The following PCDH15 variants were observed in gnomAD, a reference collection of about 807,000 sequenced individuals.
PCDH15 encodes the protein protocadherin-15.
Under a neutral mutation model 178.5 loss-of-function variants are expected in PCDH15, and 129 were observed. The ratio of observed to expected loss-of-function variants is 0.72; its 90% CI spans 0.63 to 0.84. The LOEUF is 0.84. Ranked by LOEUF, PCDH15 falls within the 40% of genes least tolerant of loss-of-function variation. The probability of loss-of-function intolerance (pLI) is 0.00; values close to 1 mark genes in which losing one functional copy is unlikely to be tolerated. For synonymous variants in PCDH15, 800 were observed against 732.0 expected (o/e 1.09, Z -1.50); for missense variants, 2,230 against 2,099.9 (o/e 1.06, Z -1.21).
chr10:55,527,247 C>T (rs1589111591), intron 2 of PCDH15, among the ~76,000 whole-genome samples: 2 of 152,044 alleles, frequency 1.3e-5, no homozygotes, highest in Non-Finnish European at 2.9e-5. Context: ...CATATTGTCT[C>T]ACAGTTCTGG....
At chr10:55,622,396 A>G (rs1386689782) in intron 2 of PCDH15, among the ~76,000 whole-genome samples, 1 of 151,570 alleles carries the variant, frequency 6.6e-6, no homozygotes, top group Non-Finnish European at 1.5e-5. Context: ...ACACTGAAAA[A>G]GAGGTGGAGA....
chr10:55,380,270 G>A (rs904831829), intron 2 of PCDH15, among the ~76,000 whole-genome samples: 1 of 152,046 alleles, frequency 6.6e-6, no homozygotes, highest in African/African-American at 2.4e-5. Flanking sequence ...AAAGACATAG[G>A]GAAAGAAATA....
chr10:55,573,495 T>C (rs1842444029), intron 2 of PCDH15, among the ~76,000 whole-genome samples: 1 of 152,102 alleles, frequency 6.6e-6, no homozygotes, highest in African/African-American at 2.4e-5. Flanking sequence ...CTACTACATT[T>C]CTTTATTGTA....
chr10:54,555,321 A>G (rs1301924325), intron 2 of PCDH15, among the ~76,000 whole-genome samples: 1 of 152,152 alleles, frequency 6.6e-6, no homozygotes, highest in Non-Finnish European at 1.5e-5. Context: ...GATCTTTAAC[A>G]TCGTTTGCTC....
At chr10:55,244,282 T>C (rs543735974) in intron 1 of PCDH15, among the ~76,000 whole-genome samples, 3 of 152,186 alleles carry the variant, frequency 2.0e-5, no homozygotes, top group African/African-American at 7.2e-5. Flanking sequence ...CATTCTTTAA[T>C]ACTTTTTTTA....
chr10:54,649,403 C>A (rs2094204823), intron 2 of PCDH15, among the ~76,000 whole-genome samples: 1 of 152,054 alleles, frequency 6.6e-6, no homozygotes, highest in Non-Finnish European at 1.5e-5. Flanking sequence ...GGGGAGATAT[C>A]ATCAGAATTG....
At chr10:54,511,273 A>T (rs1589795294) in intron 3 of PCDH15, among the ~76,000 whole-genome samples, 1 of 152,230 alleles carries the variant, frequency 6.6e-6, no homozygotes. Flanking sequence ...AGTAGTTAGT[A>T]GCATACAGGT....
At chr10:54,680,658 T>C (rs2094882898) in intron 1 of PCDH15, among the ~76,000 whole-genome samples, 1 of 152,102 alleles carries the variant, frequency 6.6e-6, no homozygotes, top group African/African-American at 2.4e-5. Flanking sequence ...CATACTGTTC[T>C]TGTGATAGTG....
At chr10:54,877,025 A>G (rs1364446236) in intron 3 of PCDH15, among the ~76,000 whole-genome samples, 1 of 152,178 alleles carries the variant, frequency 6.6e-6, no homozygotes, top group Non-Finnish European at 1.5e-5. Flanking sequence ...TGAAATTACC[A>G]CAGTCACCCC....
intron 2 of PCDH15, among the ~76,000 whole-genome samples, chr10:55,130,145 G>A (rs1838002334): frequency 6.6e-6 from 1 of 152,192 alleles, no homozygotes; most frequent in Non-Finnish European, 1.5e-5. Flanking sequence ...ATTGATTGGA[G>A]TGGATGTAGA....
In PCDH15 at chr10:54,378,816, A is replaced by G; in HGVS notation, c.284T>C (p.Phe95Ser). The G allele has an allele frequency of 6.2e-7, 1 of 1,613,898 alleles. No homozygotes were observed. Among genetic ancestry groups the G allele is most frequent in the Non-Finnish European group, 8.5e-7 (1 of 1,179,864 alleles). ...VLMDPVKQML[F>S]LNSTGRVLDR... ...CAGAACTCTTCCGGTGCTGTTCAGG[A>G]AAAGCATTTGCTTAACAGGATCCAT... Residue 95 changes from phenylalanine to serine, a missense_variant, in exon 4 of 38, where the codon TTC (phenylalanine) becomes TCC (serine). Phe to Ser is a radical substitution (Grantham distance 155). Transcript: ENST00000644397.
At chr10:54,871,165 C>T (rs1052271409) in intron 3 of PCDH15, among the ~76,000 whole-genome samples, 2 of 152,126 alleles carry the variant, frequency 1.3e-5, no homozygotes, top group Non-Finnish European at 2.9e-5. Context: ...ATCTAATGTG[C>T]AGACAAGATT....
At chr10:54,169,149 C>T (rs1443947183) in intron 13 of PCDH15, among the ~76,000 whole-genome samples, 1 of 149,912 alleles carries the variant, frequency 6.7e-6, no homozygotes, top group Non-Finnish European at 1.5e-5. Flanking sequence ...ACCTGGCAGC[C>T]ACTCCCAGAG....
At chr10:53,890,165 T>A (rs1209322311) in intron 26 of PCDH15, among the ~76,000 whole-genome samples, 1 of 152,246 alleles carries the variant, frequency 6.6e-6, no homozygotes, top group Non-Finnish European at 1.5e-5. Flanking sequence ...CAGTGGCTCA[T>A]GCCTGTAATC....
chr10:54,363,267 G>A (rs1487319734), intron 5 of PCDH15, among the ~76,000 whole-genome samples: 1 of 152,100 alleles, frequency 6.6e-6, no homozygotes, highest in Non-Finnish European at 1.5e-5. Flanking sequence ...AAGATAACCA[G>A]CTTCAGATAG....
intron 2 of PCDH15, among the ~76,000 whole-genome samples, chr10:55,352,610 A>T (rs576078003): frequency 2.0e-5 from 3 of 152,178 alleles, no homozygotes; most frequent in Non-Finnish European, 4.4e-5. Context: ...TAGAAAAGTG[A>T]AAAAGCTCGC....
intron 2 of PCDH15, among the ~76,000 whole-genome samples, chr10:54,936,375 C>A (rs1385511810): frequency 2.0e-5 from 3 of 151,822 alleles, no homozygotes; most frequent in African/African-American, 7.3e-5. Context: ...GCATGTTTTC[C>A]CTTCTCTTGG....
intron 8 of PCDH15, among the ~76,000 whole-genome samples, chr10:54,304,220 C>A (rs972255900): frequency 2.6e-5 from 4 of 152,034 alleles, no homozygotes; most frequent in African/African-American, 9.7e-5. Context: ...TTAACACTGG[C>A]ATAAGCCAGC....
intron 2 of PCDH15, among the ~76,000 whole-genome samples, chr10:55,570,270 C>T (rs1842383474): frequency 6.6e-6 from 1 of 151,876 alleles, no homozygotes; most frequent in South Asian, 2.1e-4. Flanking sequence ...GAAAGACAAA[C>T]ATTATTAAGA....
Sources: gnomAD v4.1 joint callset for allele counts (sites outside exome capture counted in the v4.1 genomes callset) on GRCh38, gnomAD v4.1.1 for gene constraint, MANE v1.5 for transcripts, NCBI Gene and HGNC (gene_info 2026-07-23, HGNC 2026-07-21) for gene names.